The following CRHR2 variants were observed in gnomAD, a reference collection of about 807,000 sequenced individuals.
CRHR2 encodes corticotropin-releasing hormone receptor 2.
Under a neutral mutation model 57.9 loss-of-function variants are expected in CRHR2, and 53 were observed. That is an observed-to-expected ratio of 0.92 (90% CI 0.73 to 1.15). CRHR2 has a LOEUF of 1.15. Among genes scored for constraint, CRHR2 ranks in the 50% most tolerant of loss-of-function variants. The pLI, the probability that CRHR2 is intolerant of heterozygous loss-of-function variation, is 0.00. For synonymous variants in CRHR2, 213 were observed against 220.9 expected, an observed-to-expected ratio of 0.96 and a Z score of 0.32; for missense variants, 532 against 542.6, an observed-to-expected ratio of 0.98 and a Z score of 0.19.
intron 5 of CRHR2, among the ~76,000 whole-genome samples, chr7:30,663,592 G>C (rs1051079972): frequency 1.3e-5 from 2 of 152,214 alleles, no homozygotes; most frequent in Admixed American, 6.5e-5. Context: ...ATGTGTCCCT[G>C]TCCCTCTGAG....
At position 30,682,351 on chromosome 7, in the gene CRHR2, G is replaced by A. The variant is rs1214728800; in HGVS notation, c.-71C>T. The stretch of plus-strand genomic sequence containing the variant: ...GGCGTGACTGCGAGGGAGTGGACGC[G>A]AGAGTGAGCGGCCGAGAGGGCGCGG... On this transcript the variant is annotated 5_prime_UTR_variant, in exon 1 of 12. Coordinates refer to ENST00000471646, the MANE Select transcript of CRHR2 (RefSeq NM_001883.5). 1.4e-6 allele frequency: 2 copies of A among 1,440,064 alleles called. No individual in the cohort carries two copies. The highest frequency in any genetic ancestry group is 9.1e-7 in the Non-Finnish European group (1 of 1,098,010). 89.2% of individuals were successfully genotyped at this position (1,440,064 alleles called of 1,614,324 possible).
chr7:30,668,754 C>G (rs372779240), intron 2 of CRHR2, among the ~76,000 whole-genome samples: 1 of 152,178 alleles, frequency 6.6e-6, no homozygotes, highest in Non-Finnish European at 1.5e-5. Context: ...AACCCAGGGA[C>G]GTGACTGGCC....
intron 8 of CRHR2, among the ~76,000 whole-genome samples, chr7:30,660,074 C>T (rs982749773): frequency 2.6e-5 from 4 of 152,208 alleles, no homozygotes; most frequent in Non-Finnish European, 2.9e-5. Flanking sequence ...GATGCAAATA[C>T]ATTTGGCAAA....
At chr7:30,683,973 C>T (rs2128149377), upstream of CRHR2, among the ~76,000 whole-genome samples, 2 of 152,334 alleles carry the variant, frequency 1.3e-5, no homozygotes, top group East Asian at 1.9e-4. Context: ...GGTGCTGTCA[C>T]TGCCCAGGCA....
At chr7:30,688,817 G>A (rs1474213100) in intron 2 of CRHR2, 1 of 461,598 alleles carries the variant, frequency 2.2e-6, no homozygotes, top group Non-Finnish European at 4.3e-6. Context: ...TCCTTACCAG[G>A]AAGTCACACC....
At chr7:30,687,761 G>A (rs1220201830) in intron 2 of CRHR2, among the ~76,000 whole-genome samples, 1 of 152,234 alleles carries the variant, frequency 6.6e-6, no homozygotes, top group East Asian at 1.9e-4. Context: ...ACCTGCTGGA[G>A]GGAGGGCAGA....
chr7:30,665,087 C>T lies in CRHR2; in HGVS notation c.526G>A (p.Val176Met). ...GCAATGACCTCATTGCTCTCGTGCA[C>T]TTCATGGTCAACGAGCTGCAGCAGG... ...WFLLQLVDHEVHESNEVWCRC... is the reference protein window; with the variant it reads ...WFLLQLVDHEMHESNEVWCRC... The change falls in exon 5 of 12, where the codon GTG becomes ATG. Residue 176 changes from valine (V) to methionine (M), a missense_variant. Physicochemically the swap from Val to Met is conservative, Grantham distance 21. Coordinates refer to ENST00000471646, the MANE Select transcript of CRHR2 (RefSeq NM_001883.5). The surrounding 1 kb of genome is among the most constrained non-coding windows in gnomAD (Gnocchi z 4.5). 1 of 1,613,980 alleles carries T rather than the reference C, an allele frequency of 6.2e-7. No individual in the cohort carries two copies. The highest frequency in any genetic ancestry group is 1.1e-5 in the South Asian group (1 of 91,070).
At chr7:30,689,202 G>A (rs970889626) in exon 2 of CRHR2, 6 of 1,550,258 alleles carry the variant, frequency 3.9e-6, no homozygotes, top group Admixed American at 3.9e-5. Context: ...TGAGAGGTTG[G>A]TGAGGGTCAT....
chr7:30,686,740 G>C, upstream of CRHR2: 1 of 360,994 alleles, frequency 2.8e-6, no homozygotes, highest in Non-Finnish European at 5.3e-6. Flanking sequence ...AGCTGCCTCT[G>C]TGATGAATAA....
chr7:30,672,988 G>C (rs1784412415), intron 2 of CRHR2, among the ~76,000 whole-genome samples: 1 of 152,208 alleles, frequency 6.6e-6, no homozygotes, highest in African/African-American at 2.4e-5. Flanking sequence ...GACTCTCCCT[G>C]TGACCCTGTG....
At chr7:30,679,606 C>T (rs1784629336) in intron 2 of CRHR2, among the ~76,000 whole-genome samples, 1 of 152,130 alleles carries the variant, frequency 6.6e-6, no homozygotes, top group Non-Finnish European at 1.5e-5. Context: ...ACTGCTATCC[C>T]CACCCGGGCG....
Position 30,689,079 on chromosome 7 carries a change from C to A in CRHR2, c.-167+112G>T, listed in dbSNP as rs1784908525. On this transcript the variant is annotated intron_variant, in intron 2 of 13. Coordinates refer to the CRHR2 transcript ENST00000341843. ...ATCAAACCAGGACTGGAAACCAGCACCCCACCCACCACCCTGCTGAGCCTG... is the reference window on the plus strand; with the variant it reads ...ATCAAACCAGGACTGGAAACCAGCAACCCACCCACCACCCTGCTGAGCCTG... 4.2e-6 allele frequency: 4 copies of A among 948,752 alleles called. No homozygotes were observed. In the South Asian group the frequency reaches 5.7e-5, roughly 14 times the overall value. The allele number at this position is 948,752 out of a possible 1,614,324, so 58.8% of individuals were successfully genotyped here. A position where few individuals can be genotyped will look rare whatever the true frequency, so the allele number is the denominator to read the frequency against.
At position 30,653,228 on chromosome 7, in the gene CRHR2, C is replaced by T; in HGVS notation, c.*232G>A. 3.6e-6 allele frequency: 2 copies of T among 549,628 alleles called. No individual in the cohort carries two copies. The highest frequency in any genetic ancestry group is 6.3e-6 in the Non-Finnish European group (2 of 317,104). The allele number at this position is 549,628 out of a possible 1,614,324, so 34.0% of individuals were successfully genotyped here. A position where few individuals can be genotyped will look rare whatever the true frequency, so the allele number is the denominator to read the frequency against. ...CTGCAGACATCTGACTGGCTCTTCT[C>T]AGGGGGTCCTGTGAATTCCCTCTGC... On this transcript the variant is annotated 3_prime_UTR_variant, in exon 12 of 12. Transcript: ENST00000471646. This position sits in a 1 kb window ranked among gnomAD's most constrained non-coding sequence, Gnocchi z 5.0.
rs750266229 is a variant in CRHR2, at chr7:30,656,912, C to T, written c.832-900G>A. Among the ~76,000 whole-genome samples the T allele has an allele frequency of 7.2e-5, 11 of 152,152 alleles. No individual in the cohort carries two copies. The highest frequency in any genetic ancestry group is 1.2e-4 in the Non-Finnish European group (8 of 68,008). On this transcript the variant is annotated intron_variant, in intron 8 of 11. Transcript: ENST00000471646. This position sits in a 1 kb window ranked among gnomAD's most constrained non-coding sequence, Gnocchi z 4.4. ...CATGTGTGAGCATGGATCTGGGGCC[C>T]GGGCACATCTGCGTTTCTCTTCACC...
chr7:30,655,104 G>T, intron 10 of CRHR2, 24 bp from the exon 11 acceptor site: 1 of 1,611,692 alleles, frequency 6.2e-7, no homozygotes, highest in Non-Finnish European at 8.5e-7. Context: ...AAAGGAGGGA[G>T]TGGTCAGTGA....
intron 2 of CRHR2, among the ~76,000 whole-genome samples, chr7:30,681,422 C>T (rs1025973777): frequency 3.3e-5 from 5 of 152,188 alleles, no homozygotes; most frequent in African/African-American, 7.2e-5. Context: ...ACGAAACATG[C>T]GCTCGCCCCA....
At chr7:30,688,216 GGCCATCTGCAA>G (rs1042339990) in intron 2 of CRHR2, among the ~76,000 whole-genome samples, 2 of 152,174 alleles carry the variant, frequency 1.3e-5, no homozygotes, top group African/African-American at 4.8e-5. Context: ...GGAGAAAGAT[GGCCATCTGCAA>G]GCCAAGTAGG....
At chr7:30,660,547 C>T in intron 8 of CRHR2, 26 bp downstream of exon 8, 3 of 1,553,046 alleles carry the variant, frequency 1.9e-6, no homozygotes, top group Non-Finnish European at 2.6e-6. Flanking sequence ...CACCCAGCCC[C>T]ATCCCAGCCA....
At chr7:30,699,746 A>G (rs1785130235) in intron 1 of CRHR2, 1 of 483,404 alleles carries the variant, frequency 2.1e-6, no homozygotes, top group East Asian at 4.0e-5. Flanking sequence ...CATCAGACAC[A>G]AGGATCCCCG....
Sources: allele counts gnomAD v4.1 joint callset (sites outside exome capture counted in the v4.1 genomes callset), GRCh38; gene constraint gnomAD v4.1.1; non-coding constraint Gnocchi (gnomAD v3.1); transcripts MANE v1.5; gene names NCBI Gene and HGNC (gene_info 2026-07-23, HGNC 2026-07-21).